NOVA2: variants seen among roughly 807,000 people sequenced by gnomAD.
NOVA2 encodes NOVA alternative splicing regulator 2.
In NOVA2, 9 loss-of-function variants were observed where a neutral mutation model predicts 22.5. That is an observed-to-expected ratio of 0.40 (90% CI 0.24 to 0.70). The LOEUF (loss-of-function observed/expected upper bound fraction) is 0.70. Among genes scored for constraint, NOVA2 ranks in the 30% least tolerant of loss-of-function variants. The pLI, the probability that NOVA2 is intolerant of heterozygous loss-of-function variation, is 0.38. For synonymous variants in NOVA2, 318 were observed against 335.2 expected (o/e 0.95, Z 0.56); for missense variants, 383 against 682.8 (o/e 0.56, Z 4.89).
rs542748342 is a variant in NOVA2, at chr19:45,948,644, T to C, written c.396+5136A>G. ...AAAAAGAAAAGAAAAGAAAAAGAAA[T>C]GATTATTGTCATTGTTATCCCCATG... is the stretch of plus-strand genomic sequence containing the variant. On this transcript the variant is annotated intron_variant, in intron 3 of 3. Transcript: ENST00000263257. Among the ~76,000 whole-genome samples the C allele has an allele frequency of 1.5e-4, 22 of 145,564 alleles. 1 individual carries two copies. The highest frequency in any genetic ancestry group is 2.7e-4 in the Non-Finnish European group (18 of 65,764).
rs1967979763 is a variant in NOVA2 at position 45,954,847 on chromosome 19, T to A, written c.230-901A>T. On this transcript the variant is annotated intron_variant, in intron 2 of 3. Coordinates refer to ENST00000263257, the MANE Select transcript of NOVA2 (RefSeq NM_002516.4). ...TGACCAGTGTGTGTGTCTGCGAGGC[T>A]GGTGAGTGGTGTGTGTGTGTGTGTG... 5.1e-5 allele frequency among the ~76,000 whole-genome samples: 7 copies of A among 137,332 alleles called. No individual in the cohort carries two copies. The Admixed American group carries it at 5.5e-4, about 11-fold the overall frequency. 90.1% of individuals were successfully genotyped at this position (137,332 alleles called of 152,430 possible).
intron 1 of NOVA2, among the ~76,000 whole-genome samples, chr19:45,964,346 ATTTGTG>A (rs1200641706): frequency 3.1e-5 from 3 of 98,026 alleles, no homozygotes; most frequent in African/African-American, 4.1e-5. Flanking sequence ...TGCCCGGCTA[ATTTGTG>A]TGTGTGTGTG....
At chr19:45,952,360 G>C (rs1017270178) in intron 3 of NOVA2, among the ~76,000 whole-genome samples, 5 of 152,190 alleles carry the variant, frequency 3.3e-5, no homozygotes, top group African/African-American at 4.8e-5. Flanking sequence ...CACATAGGAC[G>C]TAAGTACTGT....
chr19:45,937,533 G>C lies in NOVA2; in HGVS notation c.*2330C>G, dbSNP rs1180162888. 2.6e-5 allele frequency: 4 copies of C among 152,222 alleles called. No individual in the cohort carries two copies. Among genetic ancestry groups the C allele is most frequent in the African/African-American group, 9.7e-5 (4 of 41,440 alleles). 9.4% of individuals were successfully genotyped at this position (152,222 alleles called of 1,614,324 possible). A position where few individuals can be genotyped will look rare whatever the true frequency, so the allele number is the denominator to read the frequency against. On this transcript the variant is annotated 3_prime_UTR_variant, in exon 4 of 4. Coordinates refer to ENST00000263257, the MANE Select transcript of NOVA2 (RefSeq NM_002516.4). ...AGGTGGAGGGGAGCAATGGCCCACA[G>C]AGCCGCCCCCACCTCTAACCCCAAG... is the stretch of plus-strand genomic sequence containing the variant.
intron 1 of NOVA2, chr19:45,967,786 A>C (rs574525262): frequency 6.6e-5 from 10 of 152,228 alleles, no homozygotes; most frequent in African/African-American, 2.4e-4. Flanking sequence ...TACTAAAAAT[A>C]CAAAAGTTAG....
intron 2 of NOVA2, among the ~76,000 whole-genome samples, chr19:45,960,615 C>A (rs1968080311): frequency 1.3e-5 from 2 of 151,572 alleles, no homozygotes; most frequent in South Asian, 4.2e-4. Flanking sequence ...GAGGGGGTGA[C>A]AGAATTCCAA....
intron 2 of NOVA2, among the ~76,000 whole-genome samples, chr19:45,956,255 G>A (rs1968004649): frequency 6.6e-6 from 1 of 152,150 alleles, no homozygotes; most frequent in South Asian, 2.1e-4. Flanking sequence ...CTGGGGGGCG[G>A]GGTAGGGGGA....
intron 2 of NOVA2, among the ~76,000 whole-genome samples, 166 bp downstream of exon 2, chr19:45,960,844 C>G (rs971041494): frequency 1.3e-5 from 2 of 152,142 alleles, no homozygotes; most frequent in African/African-American, 2.4e-5. Flanking sequence ...TCGGCCAGGC[C>G]CCTCGGGCTG....
chr19:45,940,534 C>G lies in NOVA2; in HGVS notation c.808G>C (p.Ala270Pro). Residue 270 changes from alanine (A) to proline (P), a missense_variant, in exon 4 of 4, where the codon GCC (alanine) becomes CCC (proline). Physicochemically the swap from Ala to Pro is conservative, Grantham distance 27. This residue lies in a region of NOVA2 where 349 missense variants were observed against 578.1 expected (regional missense o/e 0.60). Transcript: ENST00000263257. The stretch of plus-strand genomic sequence containing the variant: ...GCCAGCAGGTCGGTGCCTGAGAAGG[C>G]GGGCAGCGCGGCGGGAAAGGCCCCC... ...GVGAFPAALP[A>P]FSGTDLLAIS... The G allele has an allele frequency of 6.7e-7, 1 of 1,499,666 alleles. No homozygotes were observed. Among genetic ancestry groups the G allele is most frequent in the Non-Finnish European group, 8.9e-7 (1 of 1,126,560 alleles). 92.9% of individuals were successfully genotyped at this position (1,499,666 alleles called of 1,614,324 possible).
intron 2 of NOVA2, among the ~76,000 whole-genome samples, chr19:45,960,440 T>G (rs1600614555): frequency 2.2e-5 from 3 of 137,610 alleles, no homozygotes; most frequent in Admixed American, 7.2e-5. Context: ...GGACAAGAGA[T>G]GGGGGGTATC....
chr19:45,941,939 G>A (rs1201753409), intron 3 of NOVA2, among the ~76,000 whole-genome samples: 2 of 152,044 alleles, frequency 1.3e-5, no homozygotes, highest in Non-Finnish European at 2.9e-5. Flanking sequence ...TTGCACAATG[G>A]CCCACCCATG....
chr19:45,968,984 C>T (rs945236300), intron 1 of NOVA2, among the ~76,000 whole-genome samples: 6 of 151,862 alleles, frequency 4.0e-5, no homozygotes, highest in African/African-American at 1.5e-4. Flanking sequence ...CATGATGAAA[C>T]CCCATCTCTA....
intron 1 of NOVA2, among the ~76,000 whole-genome samples, chr19:45,969,955 G>A (rs1968213501): frequency 2.0e-5 from 3 of 152,162 alleles, no homozygotes; most frequent in African/African-American, 4.8e-5. Flanking sequence ...CATCTGTCCA[G>A]TAGGCCACTG....
chr19:45,963,766 G>C (rs1160297237), intron 1 of NOVA2, among the ~76,000 whole-genome samples: 3 of 152,078 alleles, frequency 2.0e-5, no homozygotes, highest in Non-Finnish European at 4.4e-5. Context: ...ACCTGGCCTC[G>C]TGATCTGCCC....
chr19:45,964,346 ATTTG>A (rs1236425278), intron 1 of NOVA2, among the ~76,000 whole-genome samples: 19 of 98,102 alleles, frequency 1.9e-4, no homozygotes, highest in South Asian at 1.3e-3. Context: ...TGCCCGGCTA[ATTTG>A]TGTGTGTGTG....
chr19:45,936,640 T>C lies in NOVA2; in HGVS notation c.*3223A>G, dbSNP rs1396816430. 8 of 149,104 alleles carry C rather than the reference T, an allele frequency of 5.4e-5. No homozygotes were observed. Among genetic ancestry groups the C allele is most frequent in the Non-Finnish European group, 1.2e-4 (8 of 67,542 alleles). The allele number at this position is 149,104 out of a possible 1,614,324, so 9.2% of individuals were successfully genotyped here. A position where few individuals can be genotyped will look rare whatever the true frequency, so the allele number is the denominator to read the frequency against. ...GGAAAGGAGGAAGACAGACAAAGAC[T>C]AAGATAGAGACAGGACAGAAAACAA... On this transcript the variant is annotated 3_prime_UTR_variant, in exon 4 of 4. Transcript: ENST00000263257.
In NOVA2 at chr19:45,939,650, C is replaced by T. The variant is rs570628347; in HGVS notation, c.*213G>A. ...GGAGGGAGGAAGGAGGGGTCAGTTC[C>T]GGGCTGGGGAGGGGGCTTCTGAGCC... is the stretch of plus-strand genomic sequence containing the variant. On this transcript the variant is annotated 3_prime_UTR_variant, in exon 4 of 4. Transcript: ENST00000263257. 6.9e-5 allele frequency: 42 copies of T among 612,818 alleles called. No homozygotes were observed. The African/African-American group carries it at 7.2e-4, about 11-fold the overall frequency. The allele number at this position is 612,818 out of a possible 1,614,324, so 38.0% of individuals were successfully genotyped here.
At chr19:45,960,918 G>A in intron 2 of NOVA2, 92 bp downstream of exon 2, 2 of 1,344,566 alleles carry the variant, frequency 1.5e-6, no homozygotes, top group Non-Finnish European at 2.0e-6. Context: ...CTGTCCTTAG[G>A]GCAGACCTTC....
rs993069084 is a variant in NOVA2, at chr19:45,953,865, C to T, written c.311G>A (p.Arg104Gln). Reference sequence around the variant, plus strand: ...CTTGGTCATCGCTTGTGGGATTTCTCGGACCTTCTCGGCAATAAAGCTGTG... The same window carrying T: ...CTTGGTCATCGCTTGTGGGATTTCTTGGACCTTCTCGGCAATAAAGCTGTG... ...AVHSFIAEKV[R>Q]EIPQAMTKPE... is the part of the protein sequence containing the mutation. Residue 104 changes from arginine (R) to glutamine (Q), a missense_variant, in exon 3 of 4, where the codon CGA becomes CAA. This residue lies in a region of NOVA2 where 349 missense variants were observed against 578.1 expected (regional missense o/e 0.60). Transcript: ENST00000263257. 4 of 1,614,184 alleles carry T rather than the reference C, an allele frequency of 2.5e-6. No homozygotes were observed. Among genetic ancestry groups the T allele is most frequent in the South Asian group, 1.1e-5 (1 of 91,076 alleles).
Sources: gnomAD v4.1 joint callset for allele counts (sites outside exome capture counted in the v4.1 genomes callset) on GRCh38, gnomAD v4.1.1 for gene constraint, gnomAD v4.1.1 regional missense constraint, MANE v1.5 for transcripts, NCBI Gene and HGNC (gene_info 2026-07-23, HGNC 2026-07-21) for gene names.